GABBR2: variants seen among roughly 807,000 people sequenced by gnomAD.
The protein encoded by GABBR2 is gamma-aminobutyric acid type B receptor subunit 2.
Under a neutral mutation model 105.6 loss-of-function variants are expected in GABBR2, and 23 were observed. That is an observed-to-expected ratio of 0.22 (90% CI 0.16 to 0.31). The LOEUF is 0.31. Ranked by LOEUF, GABBR2 falls within the 10% of genes least tolerant of loss-of-function variation. The pLI, the probability that GABBR2 is intolerant of heterozygous loss-of-function variation, is 1.00. For synonymous variants in GABBR2, 478 were observed against 499.7 expected, an observed-to-expected ratio of 0.96 and a Z score of 0.58; for missense variants, 734 against 1,245.5, an observed-to-expected ratio of 0.59 and a Z score of 6.18.
At chr9:98,565,842 T>C (rs1400159237) in intron 2 of GABBR2, among the ~76,000 whole-genome samples, 2 of 152,194 alleles carry the variant, frequency 1.3e-5, no homozygotes, top group African/African-American at 4.8e-5. Context: ...CCCGGTATTA[T>C]TGGTATGTTG....
chr9:98,319,867 C>T lies in GABBR2; in HGVS notation c.1894-8662G>A, dbSNP rs1198395303. On this transcript the variant is annotated intron_variant, in intron 13 of 18. Coordinates refer to ENST00000259455, the MANE Select transcript of GABBR2 (RefSeq NM_005458.8). ...TCCTCCTCACCTTCAGGAAGTTCTA[C>T]TAAAATTCAGTAATCTTACTAGGCA... Among the ~76,000 whole-genome samples the T allele has an allele frequency of 6.6e-5, 10 of 152,138 alleles. No homozygotes were observed. In the East Asian group the frequency reaches 1.9e-3, roughly 29 times the overall value.
At chr9:98,634,860 C>T (rs969819855) in intron 1 of GABBR2, among the ~76,000 whole-genome samples, 1 of 152,188 alleles carries the variant, frequency 6.6e-6, no homozygotes, top group Non-Finnish European at 1.5e-5. Context: ...TGTCACGCCT[C>T]CTGCTCACAC....
intron 1 of GABBR2, among the ~76,000 whole-genome samples, chr9:98,603,872 C>A (rs192958778): frequency 1.1e-4 from 16 of 152,260 alleles, no homozygotes; most frequent in Non-Finnish European, 2.4e-4. Flanking sequence ...CAACAGACTC[C>A]GCTCTGGTTC....
At chr9:98,434,036 G>C (rs1385647810) in intron 7 of GABBR2, among the ~76,000 whole-genome samples, 1 of 152,120 alleles carries the variant, frequency 6.6e-6, no homozygotes, top group African/African-American at 2.4e-5. Flanking sequence ...ACTGAGGGCT[G>C]GGAAAGGTGG....
chr9:98,605,963 C>A (rs947164786), intron 1 of GABBR2, among the ~76,000 whole-genome samples: 3 of 151,962 alleles, frequency 2.0e-5, no homozygotes, highest in Non-Finnish European at 4.4e-5. Flanking sequence ...TGTGATGTTC[C>A]CCTTCCTGTG....
At chr9:98,596,427 G>A (rs1048414091) in intron 1 of GABBR2, among the ~76,000 whole-genome samples, 5 of 152,080 alleles carry the variant, frequency 3.3e-5, no homozygotes, top group African/African-American at 1.2e-4. Context: ...TTGGGGGTGG[G>A]GGCTCTGGCT....
intron 7 of GABBR2, among the ~76,000 whole-genome samples, chr9:98,430,793 C>G (rs910125604): frequency 6.6e-6 from 1 of 152,082 alleles, no homozygotes; most frequent in African/African-American, 2.4e-5. Flanking sequence ...TTGGGTTCCC[C>G]CTTCCTGTGC....
intron 13 of GABBR2, among the ~76,000 whole-genome samples, chr9:98,348,519 G>A (rs1831337968): frequency 6.6e-6 from 1 of 152,128 alleles, no homozygotes; most frequent in African/African-American, 2.4e-5. Context: ...TGGACTGCCT[G>A]GGGCAGTATG....
intron 3 of GABBR2, among the ~76,000 whole-genome samples, chr9:98,499,711 T>C (rs1379585340): frequency 6.6e-6 from 1 of 152,210 alleles, no homozygotes; most frequent in African/African-American, 2.4e-5. Flanking sequence ...CTAAGAAAAT[T>C]TATAAATGCC....
chr9:98,535,419 A>AAAAT (rs769982954), intron 3 of GABBR2, among the ~76,000 whole-genome samples: 60 of 152,102 alleles, frequency 3.9e-4, no homozygotes, highest in Admixed American at 1.4e-3. Context: ...GGATATTTTA[A>AAAAT]AAATAAATAA....
At chr9:98,296,413 T>G (rs116569630) in intron 17 of GABBR2, among the ~76,000 whole-genome samples, 2,535 of 152,246 alleles carry the variant, frequency 0.017, 71 homozygotes, top group African/African-American at 0.058. Context: ...AGTATTGTGT[T>G]ACAGCAGCAC....
At chr9:98,408,201 A>G (rs1462476462) in intron 7 of GABBR2, among the ~76,000 whole-genome samples, 14 of 152,236 alleles carry the variant, frequency 9.2e-5, no homozygotes, top group Admixed American at 9.2e-4. Context: ...TTCAGCTGAC[A>G]AAGTGGAAAC....
At chr9:98,393,576 G>C (rs568459571) in intron 9 of GABBR2, among the ~76,000 whole-genome samples, 1 of 152,342 alleles carries the variant, frequency 6.6e-6, no homozygotes, top group African/African-American at 2.4e-5. Flanking sequence ...ATCAGACCTT[G>C]GCTGGTGCCA....
chr9:98,619,299 G>A (rs7872682), intron 1 of GABBR2, among the ~76,000 whole-genome samples: 13,987 of 151,692 alleles, frequency 0.092, 1,012 homozygotes, highest in African/African-American at 0.2. Flanking sequence ...ATTAGGCCTT[G>A]TGCCCATGGA....
chr9:98,629,946 G>T (rs1316325727), intron 1 of GABBR2, among the ~76,000 whole-genome samples: 1 of 151,780 alleles, frequency 6.6e-6, no homozygotes, highest in Admixed American at 6.6e-5. Flanking sequence ...AATCTACAAG[G>T]TTTTTTTTCT....
At chr9:98,598,559 A>G (rs886957940) in intron 1 of GABBR2, among the ~76,000 whole-genome samples, 1 of 151,278 alleles carries the variant, frequency 6.6e-6, no homozygotes, top group Admixed American at 6.6e-5. Context: ...CTGAAAAACT[A>G]AAACTTCACA....
At chr9:98,348,499 G>A (rs1056904058) in intron 13 of GABBR2, among the ~76,000 whole-genome samples, 19 of 152,248 alleles carry the variant, frequency 1.2e-4, no homozygotes, top group East Asian at 5.8e-4. Context: ...TAGGGATTAC[G>A]TTGAATCTGT....
chr9:98,419,159 G>A (rs1428234285), intron 7 of GABBR2, among the ~76,000 whole-genome samples: 2 of 152,222 alleles, frequency 1.3e-5, no homozygotes, highest in Non-Finnish European at 2.9e-5. Flanking sequence ...CCAGGCGCCA[G>A]GCAAGGGAGC....
intron 3 of GABBR2, among the ~76,000 whole-genome samples, chr9:98,527,263 C>A (rs1453296122): frequency 6.6e-6 from 1 of 151,862 alleles, no homozygotes; most frequent in South Asian, 2.1e-4. Flanking sequence ...AAAAATTAAA[C>A]AACTTGCCCA....
Sources: gnomAD v4.1 joint callset for allele counts (sites outside exome capture counted in the v4.1 genomes callset) on GRCh38, gnomAD v4.1.1 for gene constraint, MANE v1.5 for transcripts, NCBI Gene and HGNC (gene_info 2026-07-23, HGNC 2026-07-21) for gene names.